Variants in KMT2D observed in about 807,000 individuals in gnomAD.
KMT2D encodes lysine methyltransferase 2D.
In KMT2D, 55 loss-of-function variants were observed where a neutral mutation model predicts 512.7. The ratio of observed to expected loss-of-function variants is 0.11; its 90% CI spans 0.09 to 0.13. The LOEUF is 0.13. KMT2D is among the 10% of genes least tolerant of loss of function. KMT2D has a pLI of 1.00. For synonymous variants in KMT2D, 2,995 were observed against 2,904.0 expected, an observed-to-expected ratio of 1.03 and a Z score of -1.01; for missense variants, 6,061 against 7,127.9, an observed-to-expected ratio of 0.85 and a Z score of 5.39.
chr12:49,049,352 G>A (rs1937775505), intron 12 of KMT2D, 134 bp from the exon 13 acceptor site: 6 of 632,150 alleles, frequency 9.5e-6, no homozygotes, highest in African/African-American at 1.8e-5. Flanking sequence ...TCAGGGCAAG[G>A]GAAAAGGCCA....
At position 49,037,278 on chromosome 12, in the gene KMT2D, G is replaced by A; in HGVS notation, c.10078C>T (p.Gln3360Ter). 6.2e-7 allele frequency: 1 copy of A among 1,613,632 alleles called. No homozygotes were observed. The highest frequency in any genetic ancestry group is 8.5e-7 in the Non-Finnish European group (1 of 1,179,814). The change falls in exon 35 of 55, where the codon CAG becomes TAG. Residue 3360 changes from glutamine to a stop codon, truncating the protein, a stop_gained. Coordinates refer to ENST00000301067, the MANE Select transcript of KMT2D (RefSeq NM_003482.4). LOFTEE classifies it high-confidence loss of function. ...ACCAAGCCTGCCTGCCCTCCATGCT[G>A]CCCACTTAGCATATGCCCTTGATTG... ...VSNQGHMLSG[Q>*]HGGQAGLVPQ... is the part of the protein sequence containing the mutation.
In KMT2D at chr12:49,054,679, C is replaced by A. The variant is rs2120712404; in HGVS notation, c.249G>T (p.Arg83=). ...EPSLHGQREL[R]RFELPFDWPR... ...GCCAATCAAATGGCAACTCAAAGCGCCGTAGCTCCCGCTGCCCGTGTAGAC... is the reference window on the plus strand; with the variant it reads ...GCCAATCAAATGGCAACTCAAAGCGACGTAGCTCCCGCTGCCCGTGTAGAC... The change falls in exon 4 of 55, where the codon CGG becomes CGT. Residue 83 remains arginine, a synonymous_variant. Coordinates refer to ENST00000301067, the MANE Select transcript of KMT2D (RefSeq NM_003482.4). This position sits in a 1 kb window ranked among gnomAD's most constrained non-coding sequence, Gnocchi z 6.4. 6.2e-7 allele frequency: 1 copy of A among 1,612,838 alleles called. No homozygotes were observed. The highest frequency in any genetic ancestry group is 8.5e-7 in the Non-Finnish European group (1 of 1,179,330).
chr12:49,032,620 C>A lies in KMT2D; in HGVS notation c.12085G>T (p.Val4029Leu). The part of the protein sequence containing the change: ...LLLTGKEQNT[V>L]DPAVSSEATE... ...GCCTCTGAAGAAACGGCTGGGTCTA[C>A]GGTGTTTTGTTCCTTGCCCGTCAGG... The change falls in exon 40 of 55, where the codon GTA becomes TTA. Residue 4029 changes from valine (V) to leucine (L), a missense_variant. Transcript: ENST00000301067. The A allele has an allele frequency of 1.9e-6, 3 of 1,613,964 alleles. No homozygotes were observed.
chr12:49,044,308 T>C lies in KMT2D; in HGVS notation c.5084-4A>G, dbSNP rs770228843. ...CGCACCATGAAACCACCAATGCCTA[T>C]GAGGAGGCAGAGTTGTGGATGAGAA... On this transcript the variant is annotated splice_region_variant and splice_polypyrimidine_tract_variant and intron_variant, in intron 21 of 54. Coordinates refer to ENST00000301067, the MANE Select transcript of KMT2D (RefSeq NM_003482.4). This position sits in a 1 kb window ranked among gnomAD's most constrained non-coding sequence, Gnocchi z 6.4. 3.7e-6 allele frequency: 6 copies of C among 1,613,782 alleles called. No individual in the cohort carries two copies. Among genetic ancestry groups the C allele is most frequent in the Admixed American group, 1.7e-5 (1 of 60,002 alleles).
At position 49,022,556 on chromosome 12, in the gene KMT2D, T is replaced by C. The variant is rs2137705919; in HGVS notation, c.16338+34A>G. On this transcript the variant is annotated intron_variant, in intron 52 of 54. Coordinates refer to ENST00000301067, the MANE Select transcript of KMT2D (RefSeq NM_003482.4). The surrounding 1 kb of genome is among the most constrained non-coding windows in gnomAD (Gnocchi z 8.6). ...CCTTGCTCCTTGGTTGAGTGCAGAC[T>C]ATGCACCACAATGGCCCCTCTGCCA... 1 of 1,601,944 alleles carries C rather than the reference T, an allele frequency of 6.2e-7. No individual in the cohort carries two copies.
In KMT2D at chr12:49,053,276, G is replaced by A; in HGVS notation, c.885C>T (p.Asp295=). ...TTAGGCAGAAAGTATGGTATCCTTT[G>A]TCACACGTCTCACAAACCAACATCT... The part of the protein sequence containing the change: ...DSKMLVCETC[D]KGYHTFCLKP... The change falls in exon 8 of 55, where the codon GAC becomes GAT. Residue 295 remains aspartate, a synonymous_variant. Coordinates refer to ENST00000301067, the MANE Select transcript of KMT2D (RefSeq NM_003482.4). 5.0e-6 allele frequency: 8 copies of A among 1,614,006 alleles called. No homozygotes were observed. Among genetic ancestry groups the A allele is most frequent in the Non-Finnish European group, 6.8e-6 (8 of 1,179,880 alleles).
rs1390772947 is a variant in KMT2D at position 49,053,262 on chromosome 12, G to A, written c.899C>T (p.Thr300Ile). 6.2e-7 allele frequency: 1 copy of A among 1,614,014 alleles called. No individual in the cohort carries two copies. Among genetic ancestry groups the A allele is most frequent in the Non-Finnish European group, 8.5e-7 (1 of 1,179,888 alleles). Reference protein sequence around the residue: ...VCETCDKGYHTFCLKPPMEEL... With the variant: ...VCETCDKGYHIFCLKPPMEEL... ...CTCCATGGGTGGTTTTAGGCAGAAA[G>A]TATGGTATCCTTTGTCACACGTCTC... Residue 300 changes from threonine (T) to isoleucine (I), a missense_variant, in exon 8 of 55, where the codon ACT (threonine) becomes ATT (isoleucine). Thr to Ile is a moderately conservative substitution (Grantham distance 89, BLOSUM62 -1). Coordinates refer to ENST00000301067, the MANE Select transcript of KMT2D (RefSeq NM_003482.4).
chr12:49,029,681 T>C (rs866714379), intron 43 of KMT2D, among the ~76,000 whole-genome samples: 1 of 151,068 alleles, frequency 6.6e-6, no homozygotes, highest in Non-Finnish European at 1.5e-5. Flanking sequence ...TTTTTTGTTT[T>C]TTTTTTTTTT....
intron 1 of KMT2D, among the ~76,000 whole-genome samples, chr12:49,055,962 C>T (rs1354792928): frequency 6.6e-6 from 1 of 152,212 alleles, no homozygotes; most frequent in East Asian, 1.9e-4. Context: ...AAGAAACTCC[C>T]TAATTTCCAC....
chr12:49,052,907 C>T lies in KMT2D; in HGVS notation c.1112+8G>A, dbSNP rs1938166049. 1 of 1,613,890 alleles carries T rather than the reference C, an allele frequency of 6.2e-7. No individual in the cohort carries two copies. Among genetic ancestry groups the T allele is most frequent in the Non-Finnish European group, 8.5e-7 (1 of 1,179,798 alleles). On this transcript the variant is annotated splice_region_variant and intron_variant, in intron 9 of 54. Coordinates refer to ENST00000301067, the MANE Select transcript of KMT2D (RefSeq NM_003482.4). Reference sequence around the variant, plus strand: ...CCAGCCCAATCTCAGTCAGTCCCCACCACTTACCTGCTACACACCGGGGTA... The same window carrying T: ...CCAGCCCAATCTCAGTCAGTCCCCATCACTTACCTGCTACACACCGGGGTA...
At position 49,037,662 on chromosome 12, in the gene KMT2D, C is replaced by A; in HGVS notation, c.9694G>T (p.Glu3232Ter). The change falls in exon 35 of 55, where the codon GAG becomes TAG. Residue 3232 changes from glutamate to a stop codon, truncating the protein, a stop_gained. Transcript: ENST00000301067. LOFTEE classifies it high-confidence loss of function. ...LPGGPAASGD[E>*]LDKMESSLVA... ...AGTGAGCTCTCCATCTTGTCTAGCT[C>A]ATCCCCAGATGCTGCAGGTCCACCA... 6.3e-7 allele frequency: 1 copy of A among 1,580,830 alleles called. No individual in the cohort carries two copies.
In KMT2D at chr12:49,041,285, T is replaced by C. The variant is rs1286165531; in HGVS notation, c.6485A>G (p.Lys2162Arg). 1.3e-6 allele frequency: 2 copies of C among 1,522,542 alleles called. No homozygotes were observed. The highest frequency in any genetic ancestry group is 2.8e-5 in the African/African-American group (2 of 71,860). 94.3% of individuals were successfully genotyped at this position (1,522,542 alleles called of 1,614,324 possible). ...TTGGGCGGGCACCTGGGGTGGGAGC[T>C]TGAGGAAGAGCTCACCAGGCGAGTC... ...GPDSPGELFLKLPPQVPAQVP... is the reference protein window; with the variant it reads ...GPDSPGELFLRLPPQVPAQVP... Residue 2162 changes from lysine to arginine, a missense_variant, in exon 32 of 55, where the codon AAG becomes AGG. Transcript: ENST00000301067. The surrounding 1 kb of genome is among the most constrained non-coding windows in gnomAD (Gnocchi z 5.4).
rs1740681206 is a variant in KMT2D, at chr12:49,060,599, C to A, written c.-1024G>T. 6.6e-6 allele frequency among the ~76,000 whole-genome samples: 1 copy of A among 152,254 alleles called. No homozygotes were observed. The highest frequency in any genetic ancestry group is 2.1e-4 in the South Asian group (1 of 4,836). On this transcript the variant is annotated 5_prime_UTR_variant, in exon 1 of 55. Transcript: ENST00000301067. ...GCAGCGCGGCGCCGCTCCGCCTCCC[C>A]CCCTCCGCCTCCTGTTCGGCCGGTA...
chr12:49,029,630 A>T (rs763259207), intron 43 of KMT2D, among the ~76,000 whole-genome samples, 154 bp from the exon 44 acceptor site: 12 of 146,452 alleles, frequency 8.2e-5, no homozygotes, highest in Non-Finnish European at 1.1e-4. Context: ...AGGTATATTT[A>T]TTGAGTCTGT....
rs780886030 is a variant in KMT2D at position 49,032,816 on chromosome 12, CTGT to C, written c.11886_11888del (p.Gln3965del). On this transcript the variant is annotated inframe_deletion, in exon 40 of 55. Coordinates refer to ENST00000301067, the MANE Select transcript of KMT2D (RefSeq NM_003482.4). ...GTTGCTGCTGCTGTTGAAACTGCTG[CTGT>C]TGTTGTTGCTGTTGCTGTTGTAGCT... 1.6e-5 allele frequency: 25 copies of C among 1,551,220 alleles called. No individual in the cohort carries two copies. Among genetic ancestry groups the C allele is most frequent in the South Asian group, 3.6e-5 (3 of 84,050 alleles).
chr12:49,028,226 A>T, intron 46 of KMT2D, 85 bp from the exon 47 acceptor site: 2 of 1,539,790 alleles, frequency 1.3e-6, no homozygotes, highest in Non-Finnish European at 1.8e-6. Context: ...GGGGACAAGG[A>T]CACCTAGAAC....
In KMT2D at chr12:49,034,812, C is replaced by A. The variant is rs2120460226; in HGVS notation, c.10355G>T (p.Arg3452Ile). 1 of 1,613,830 alleles carries A rather than the reference C, an allele frequency of 6.2e-7. No individual in the cohort carries two copies. Among genetic ancestry groups the A allele is most frequent in the Non-Finnish European group, 8.5e-7 (1 of 1,179,776 alleles). ...ACCCCATTCCAGCCCTGAGTCTTAC[C>A]TGTTCATACCAGGTGCCACCCCAAT... ...GSIGVAPGMN[R>I]QQVSLLAQRL... is the part of the protein sequence containing the mutation. Residue 3452 changes from arginine (R) to isoleucine (I), a missense_variant and splice_region_variant, in exon 36 of 55, where the codon AGA becomes ATA. By Grantham distance (97) the Arg-to-Ile change is moderately conservative. This residue lies in a region of KMT2D where 533 missense variants were observed against 539.6 expected (regional missense o/e 0.99). Coordinates refer to ENST00000301067, the MANE Select transcript of KMT2D (RefSeq NM_003482.4).
At chr12:49,045,567 C>G (rs1018814578) in intron 19 of KMT2D, among the ~76,000 whole-genome samples, 37 of 151,346 alleles carry the variant, frequency 2.4e-4, no homozygotes, top group African/African-American at 9.0e-4. Flanking sequence ...TGGCGTGAAC[C>G]CGGGAGGCAA....
Position 49,053,627 on chromosome 12 carries a change from C to T in KMT2D, c.688G>A (p.Ala230Thr), listed in dbSNP as rs758710579. 4.4e-6 allele frequency: 7 copies of T among 1,594,558 alleles called. No homozygotes were observed. In the East Asian group the frequency reaches 1.1e-4, roughly 26 times the overall value. Residue 230 changes from alanine to threonine, a missense_variant, in exon 7 of 55, where the codon GCA becomes ACA. By Grantham distance (58) the Ala-to-Thr change is moderately conservative. Coordinates refer to ENST00000301067, the MANE Select transcript of KMT2D (RefSeq NM_003482.4). ...AACTCCCCTGGCCCCTCACACACTG[C>T]ACAGCGAGCCTCCTCTGCAGGGGGT... ...GAAYLEEARCAVCEGPGELCD... is the reference protein window; with the variant it reads ...GAAYLEEARCTVCEGPGELCD...
Sources: gnomAD v4.1 joint callset for allele counts (sites outside exome capture counted in the v4.1 genomes callset) on GRCh38, gnomAD v4.1.1 for gene constraint, gnomAD v4.1.1 regional missense constraint, Gnocchi (gnomAD v3.1) non-coding constraint, MANE v1.5 for transcripts, NCBI Gene and HGNC (gene_info 2026-07-23, HGNC 2026-07-21) for gene names.